Variants in RBFOX1 observed in about 807,000 individuals in gnomAD.
RBFOX1 encodes the protein RNA binding fox-1 homolog 1, also known as RNA binding protein fox-1 homolog 1.
Under a neutral mutation model 57.7 loss-of-function variants are expected in RBFOX1, and 8 were observed. That is an observed-to-expected ratio of 0.14 (90% CI 0.08 to 0.25). RBFOX1 has a LOEUF of 0.25. Among genes scored for constraint, RBFOX1 ranks in the 10% least tolerant of loss-of-function variants. The pLI is 1.00. For synonymous variants in RBFOX1, 326 were observed against 222.4 expected (o/e 1.47, Z -4.15); for missense variants, 611 against 548.5 (o/e 1.11, Z -1.14).
At chr16:6,897,136 A>G (rs1031432422) in intron 3 of RBFOX1, among the ~76,000 whole-genome samples, 1 of 152,216 alleles carries the variant, frequency 6.6e-6, no homozygotes, top group Admixed American at 6.5e-5. Context: ...CATTGCTGAC[A>G]AATAACTTGC....
chr16:6,024,759 C>G (rs901811373), intron 1 of RBFOX1, among the ~76,000 whole-genome samples: 5 of 152,250 alleles, frequency 3.3e-5, no homozygotes, highest in Non-Finnish European at 7.3e-5. Flanking sequence ...GCTAGGATTA[C>G]AGGCGTGAGC....
intron 4 of RBFOX1, among the ~76,000 whole-genome samples, chr16:7,222,543 G>A (rs1270588725): frequency 6.6e-6 from 1 of 152,166 alleles, no homozygotes; most frequent in Non-Finnish European, 1.5e-5. Flanking sequence ...AGAGGAGACG[G>A]CGAAGCAACA....
chr16:5,425,036 C>CCT (rs760613814), intron 1 of RBFOX1, among the ~76,000 whole-genome samples: 11 of 138,918 alleles, frequency 7.9e-5, no homozygotes, highest in South Asian at 2.3e-4. Context: ...TCCCTCCCTC[C>CCT]CTCTCTCTCT....
chr16:5,307,825 C>T (rs1222423212), intron 1 of RBFOX1, among the ~76,000 whole-genome samples: 1 of 152,168 alleles, frequency 6.6e-6, no homozygotes, highest in Non-Finnish European at 1.5e-5. Context: ...AGGCATGCAC[C>T]ACCATGCCCA....
rs548516012 is a variant in RBFOX1, at chr16:6,694,662, TC to T, written c.-16+40014del. ...TTGGTCTTATCATGGCCATTGTTTT[TC>T]CACATGGTAGCAAGATGGCCACCAG... is the stretch of plus-strand genomic sequence containing the variant. On this transcript the variant is annotated intron_variant, in intron 3 of 15. Coordinates refer to ENST00000550418, the MANE Select transcript of RBFOX1 (RefSeq NM_018723.4). Among the ~76,000 whole-genome samples the T allele has an allele frequency of 4.0e-3, 615 of 152,280 alleles. 4 individuals carry two copies. The highest frequency in any genetic ancestry group is 0.014 in the African/African-American group (589 of 41,554).
At chr16:7,203,572 G>C (rs1186314403) in intron 4 of RBFOX1, among the ~76,000 whole-genome samples, 1 of 152,204 alleles carries the variant, frequency 6.6e-6, no homozygotes, top group Non-Finnish European at 1.5e-5. Context: ...TGAGGAATTG[G>C]AAAATTATAG....
At chr16:6,767,932 T>TAAGAAGAAG (rs1247016398) in intron 3 of RBFOX1, among the ~76,000 whole-genome samples, 41 of 94,864 alleles carry the variant, frequency 4.3e-4, no homozygotes, top group African/African-American at 2.0e-3. Flanking sequence ...ATAATAATAA[T>TAAGAAGAAG]AATAATAATA....
intron 4 of RBFOX1, among the ~76,000 whole-genome samples, chr16:7,507,638 G>A (rs924483032): frequency 1.4e-5 from 2 of 140,808 alleles, no homozygotes; most frequent in African/African-American, 5.4e-5. Context: ...ATCTTGGCTC[G>A]CTGCAAGCTC....
chr16:5,414,191 G>C (rs181788661), intron 1 of RBFOX1, among the ~76,000 whole-genome samples: 4 of 152,238 alleles, frequency 2.6e-5, no homozygotes, highest in Non-Finnish European at 4.4e-5. Context: ...TCACTTGATT[G>C]GCTACAAGCT....
intron 1 of RBFOX1, among the ~76,000 whole-genome samples, chr16:5,425,409 G>A (rs528352248): frequency 1.3e-5 from 2 of 152,062 alleles, no homozygotes; most frequent in African/African-American, 4.8e-5. Flanking sequence ...CGGCCAGCAT[G>A]TGTGTTTTCT....
intron 5 of RBFOX1, among the ~76,000 whole-genome samples, chr16:7,534,089 T>TTC (rs1240844503): frequency 6.9e-6 from 1 of 145,826 alleles, no homozygotes; most frequent in Non-Finnish European, 1.5e-5. Context: ...TTTTTTTCTT[T>TTC]TTTTTTTTTT....
chr16:6,161,351 T>C (rs1342187826), intron 1 of RBFOX1, among the ~76,000 whole-genome samples: 2 of 149,392 alleles, frequency 1.3e-5, no homozygotes, highest in Admixed American at 6.7e-5. Flanking sequence ...ATTGTGCCAC[T>C]GCACTCCAGC....
intron 2 of RBFOX1, among the ~76,000 whole-genome samples, chr16:6,613,803 T>C (rs2098104703): frequency 6.6e-6 from 1 of 152,070 alleles, no homozygotes; most frequent in East Asian, 1.9e-4. Context: ...CCGGGTGTGG[T>C]GGTGTGTGCC....
intron 2 of RBFOX1, among the ~76,000 whole-genome samples, chr16:6,515,182 T>G (rs2096349963): frequency 6.6e-6 from 1 of 152,224 alleles, no homozygotes; most frequent in Admixed American, 6.5e-5. Flanking sequence ...CCTGTAATGT[T>G]CACTCTGGCT....
chr16:7,683,326 A>G (rs911879090), intron 14 of RBFOX1, among the ~76,000 whole-genome samples: 1 of 151,766 alleles, frequency 6.6e-6, no homozygotes, highest in Non-Finnish European at 1.5e-5. Context: ...ACACACACAC[A>G]GAGACAGACA....
At chr16:7,539,272 G>A (rs1407728101) in intron 5 of RBFOX1, among the ~76,000 whole-genome samples, 1 of 152,128 alleles carries the variant, frequency 6.6e-6, no homozygotes, top group Non-Finnish European at 1.5e-5. Context: ...TCTGAGGAAG[G>A]GTCGGTTAAG....
intron 1 of RBFOX1, among the ~76,000 whole-genome samples, chr16:6,186,629 G>A (rs2097107119): frequency 6.6e-6 from 1 of 152,168 alleles, no homozygotes; most frequent in Admixed American, 6.5e-5. Flanking sequence ...CCATGCCATA[G>A]GCTGTATTTG....
chr16:5,243,280 G>A (rs372679197), intron 1 of RBFOX1, among the ~76,000 whole-genome samples: 6 of 152,258 alleles, frequency 3.9e-5, no homozygotes, highest in South Asian at 2.1e-4. Flanking sequence ...AGGTGGAACC[G>A]AGCATTCAAG....
At chr16:5,930,055 C>T (rs937436240) in intron 4 of RBFOX1, among the ~76,000 whole-genome samples, 11 of 151,554 alleles carry the variant, frequency 7.3e-5, no homozygotes, top group Non-Finnish European at 1.2e-4. Flanking sequence ...CATTTCAGTA[C>T]AGCTGGAGAA....
Sources: allele counts gnomAD v4.1 joint callset (sites outside exome capture counted in the v4.1 genomes callset), GRCh38; gene constraint gnomAD v4.1.1; transcripts MANE v1.5; gene names NCBI Gene and HGNC (gene_info 2026-07-23, HGNC 2026-07-21).